PTK2: variants seen among roughly 807,000 people sequenced by gnomAD.
The protein encoded by PTK2 is protein tyrosine kinase 2, also known as focal adhesion kinase 1.
PTK2 carries 45 observed loss-of-function variants against 150.1 expected under a neutral mutation model. The observed-to-expected ratio is 0.30, with a 90% CI of 0.24 to 0.38. The LOEUF (loss-of-function observed/expected upper bound fraction) is 0.38. PTK2 is among the 10% of genes least tolerant of loss of function. The probability of loss-of-function intolerance (pLI) is 1.00; values close to 1 mark genes in which losing one functional copy is unlikely to be tolerated. For missense variants in PTK2, 919 were observed against 1,307.3 expected (o/e 0.70, Z 4.58); for synonymous variants, 432 against 449.2 (o/e 0.96, Z 0.48).
At chr8:140,816,864 C>T (rs1304719091) in intron 10 of PTK2, among the ~76,000 whole-genome samples, 1 of 152,166 alleles carries the variant, frequency 6.6e-6, no homozygotes, top group Non-Finnish European at 1.5e-5. Context: ...ATGAAGTTTC[C>T]TAGCTTTTCT....
chr8:140,797,977 A>C (rs891235139), intron 12 of PTK2, among the ~76,000 whole-genome samples: 2 of 152,140 alleles, frequency 1.3e-5, no homozygotes, highest in Admixed American at 1.3e-4. Context: ...TTATAAATCC[A>C]AAGTAACTAT....
intron 1 of PTK2, among the ~76,000 whole-genome samples, chr8:140,954,236 C>T (rs1190888988): frequency 6.6e-6 from 1 of 152,078 alleles, no homozygotes; most frequent in East Asian, 1.9e-4. Flanking sequence ...TGCCTCAACC[C>T]CACAAAGTGC....
intron 10 of PTK2, among the ~76,000 whole-genome samples, chr8:140,805,550 CAA>C (rs59135954): frequency 1.9e-4 from 16 of 82,176 alleles, no homozygotes; most frequent in East Asian, 3.5e-4. Context: ...AACTCTGTCT[CAA>C]AAAAAAAAAA....
chr8:140,778,405 C>T (rs898571332), intron 14 of PTK2, among the ~76,000 whole-genome samples: 2 of 152,184 alleles, frequency 1.3e-5, no homozygotes, highest in Non-Finnish European at 1.5e-5. Context: ...AAGCCGAGAT[C>T]GCACCACTGC....
At chr8:140,760,697 T>G (rs1162531450) in intron 16 of PTK2, among the ~76,000 whole-genome samples, 1 of 152,212 alleles carries the variant, frequency 6.6e-6, no homozygotes, top group Non-Finnish European at 1.5e-5. Flanking sequence ...AAGCACTGAA[T>G]TGTACACTTC....
intron 2 of PTK2, among the ~76,000 whole-genome samples, chr8:140,917,995 T>C (rs1394542814): frequency 6.6e-6 from 1 of 152,220 alleles, no homozygotes; most frequent in Non-Finnish European, 1.5e-5. Context: ...CACTAGTCAT[T>C]GATTCATTCA....
chr8:140,772,034 G>A (rs1274709970), intron 14 of PTK2, among the ~76,000 whole-genome samples: 3 of 151,372 alleles, frequency 2.0e-5, no homozygotes, highest in Non-Finnish European at 2.9e-5. Flanking sequence ...GGTGATCTGC[G>A]CACACTGGCC....
chr8:140,885,743 A>T (rs2100152030), intron 3 of PTK2, among the ~76,000 whole-genome samples: 1 of 152,200 alleles, frequency 6.6e-6, no homozygotes, highest in African/African-American at 2.4e-5. Flanking sequence ...TTCGGTGATT[A>T]GTATGTTAGA....
chr8:140,989,212 TAAAAAAAAAAAA>T (rs71310816), intron 1 of PTK2, among the ~76,000 whole-genome samples: 4 of 60,582 alleles, frequency 6.6e-5, no homozygotes, highest in Admixed American at 2.7e-4. Flanking sequence ...ACCCTGTCTC[TAAAAAAAAAAAA>T]AAAAAAAAAA....
intron 27 of PTK2, among the ~76,000 whole-genome samples, chr8:140,681,077 A>C (rs971844888): frequency 6.6e-6 from 1 of 152,234 alleles, no homozygotes; most frequent in African/African-American, 2.4e-5. Context: ...AGAAGATCTT[A>C]AATTCAGCTG....
At chr8:140,751,899 T>G in intron 17 of PTK2, 1 of 533,152 alleles carries the variant, frequency 1.9e-6, no homozygotes, top group Middle Eastern at 3.1e-4. Context: ...TGTGTCATGC[T>G]CACCTCTGCA....
rs1298092443 is a variant in PTK2, at chr8:140,745,434, C to T, written c.1519-667G>A. 4.6e-5 allele frequency among the ~76,000 whole-genome samples: 7 copies of T among 152,144 alleles called. No homozygotes were observed. The South Asian group carries it at 6.2e-4, about 14-fold the overall frequency. On this transcript the variant is annotated intron_variant, in intron 18 of 31. Transcript: ENST00000522684. ...AAATATTTAGCCATATTTTTTGAGC[C>T]GGAAGAATTAGCAAACTCTCCAAAA...
intron 31 of PTK2, among the ~76,000 whole-genome samples, chr8:140,664,172 T>C (rs1280156141): frequency 6.6e-6 from 1 of 152,138 alleles, no homozygotes; most frequent in Non-Finnish European, 1.5e-5. Context: ...TTAGTAGAGA[T>C]GGAGTTTCAT....
At chr8:141,001,829 G>A (rs2100200329), upstream of PTK2, among the ~76,000 whole-genome samples, 1 of 152,250 alleles carries the variant, frequency 6.6e-6, no homozygotes, top group African/African-American at 2.4e-5. Flanking sequence ...CCTTTTTGCA[G>A]ACAAGGAAAC....
chr8:140,784,625 G>A (rs1022026736), intron 14 of PTK2, among the ~76,000 whole-genome samples: 1 of 152,042 alleles, frequency 6.6e-6, no homozygotes, highest in Non-Finnish European at 1.5e-5. Flanking sequence ...CATACTTACA[G>A]GTCCCTTATG....
chr8:140,869,970 C>T (rs1426901625), intron 4 of PTK2, among the ~76,000 whole-genome samples: 3 of 151,246 alleles, frequency 2.0e-5, no homozygotes, highest in Non-Finnish European at 4.4e-5. Flanking sequence ...CAATTAAATA[C>T]ATTAAATGTC....
chr8:140,760,232 A>G (rs867181760), intron 16 of PTK2, among the ~76,000 whole-genome samples: 1 of 152,126 alleles, frequency 6.6e-6, no homozygotes, highest in Non-Finnish European at 1.5e-5. Context: ...CCAAAAAACA[A>G]AACAAAACAA....
chr8:140,942,883 T>C (rs1012570219), intron 1 of PTK2, among the ~76,000 whole-genome samples: 2 of 152,118 alleles, frequency 1.3e-5, no homozygotes, highest in Non-Finnish European at 2.9e-5. Context: ...TCCTCATGAA[T>C]GGCTTAGTGC....
chr8:140,803,566 G>A, exon 11 of PTK2: 2 of 1,613,232 alleles, frequency 1.2e-6, no homozygotes, highest in Non-Finnish European at 1.7e-6. Context: ...GCTATTTTTA[G>A]TTGTAGCATT....
Sources: allele counts gnomAD v4.1 joint callset (sites outside exome capture counted in the v4.1 genomes callset), GRCh38; gene constraint gnomAD v4.1.1; transcripts MANE v1.5; gene names NCBI Gene and HGNC (gene_info 2026-07-23, HGNC 2026-07-21).